TENM2: variants seen among roughly 807,000 people sequenced by gnomAD.
TENM2 encodes the protein teneurin-2.
Under a neutral mutation model 245.2 loss-of-function variants are expected in TENM2, and 52 were observed. The ratio of observed to expected loss-of-function variants is 0.21; its 90% confidence interval spans 0.17 to 0.27. TENM2 has a LOEUF of 0.27. Among genes scored for constraint, TENM2 ranks in the 10% least tolerant of loss-of-function variants. The pLI is 1.00. For missense variants in TENM2, 3,046 were observed against 3,666.8 expected (o/e 0.83, Z 4.37); for synonymous variants, 1,363 against 1,438.9 (o/e 0.95, Z 1.19).
At chr5:167,170,186 T>C in the TENM2 span, among the ~76,000 whole-genome samples, 1 of 152,238 alleles carries the variant, frequency 6.6e-6, no homozygotes, top group African/African-American at 2.4e-5. Context: ...GTAGAATTCC[T>C]TGTAGGAGGA....
At chr5:167,757,809 T>C (rs1374681822) in intron 2 of TENM2, among the ~76,000 whole-genome samples, 3 of 152,216 alleles carry the variant, frequency 2.0e-5, no homozygotes, top group East Asian at 1.9e-4. Context: ...TGGTATCTCA[T>C]TGTGGTTTTG....
upstream of TENM2, among the ~76,000 whole-genome samples, chr5:167,280,474 G>A (rs1311185518): frequency 6.6e-6 from 1 of 152,152 alleles, no homozygotes; most frequent in Non-Finnish European, 1.5e-5. Flanking sequence ...CTGTACTGTG[G>A]TTGAGGTTGG....
intron 2 of TENM2, among the ~76,000 whole-genome samples, chr5:167,438,635 G>A (rs1326098562): frequency 6.6e-6 from 1 of 152,150 alleles, no homozygotes; most frequent in Non-Finnish European, 1.5e-5. Context: ...CTGACCTCGT[G>A]ATTCGTCCGC....
chr5:167,700,346 C>G (rs1228201327), intron 2 of TENM2, among the ~76,000 whole-genome samples: 1 of 152,154 alleles, frequency 6.6e-6, no homozygotes, highest in Non-Finnish European at 1.5e-5. Flanking sequence ...GGGGTTGGGC[C>G]AAGTGTTTTA....
At chr5:167,067,960 C>G in the TENM2 span, among the ~76,000 whole-genome samples, 65,725 of 152,046 alleles carry the variant, frequency 0.43, 14,807 homozygotes, top group African/African-American at 0.51. Context: ...AATGTGACAT[C>G]TTCCTCCTTC....
intron 4 of TENM2, among the ~76,000 whole-genome samples, chr5:167,973,782 G>C (rs749643734): frequency 6.6e-6 from 1 of 152,090 alleles, no homozygotes; most frequent in Non-Finnish European, 1.5e-5. Context: ...AGGCAGGGTA[G>C]AGAGGTCTCA....
At chr5:167,049,206 C>A in the TENM2 span, among the ~76,000 whole-genome samples, 2 of 152,196 alleles carry the variant, frequency 1.3e-5, no homozygotes, top group Non-Finnish European at 2.9e-5. Context: ...GTTATACCTA[C>A]ACATGTGCTT....
At chr5:167,646,699 A>C (rs1034722124) in intron 2 of TENM2, among the ~76,000 whole-genome samples, 5 of 152,252 alleles carry the variant, frequency 3.3e-5, no homozygotes, top group Non-Finnish European at 5.9e-5. Context: ...GGAGAATTCC[A>C]TATGTCCCCC....
chr5:168,247,580 T>C lies in TENM2; in HGVS notation c.6641T>C (p.Val2214Ala). ...GATGGGGACGGGCAGCTCCAGAGCG[T>C]GGCCGTCAATGACCGCCCGACCTGG... Residue 2214 changes from valine (V) to alanine (A), a missense_variant, in exon 27 of 29, where the codon GTG (valine) becomes GCG (alanine). By Grantham distance (64) the Val-to-Ala change is moderately conservative. This residue lies in a region of TENM2 where 2,704 missense variants were observed against 3,331.9 expected (regional missense o/e 0.81). Coordinates refer to ENST00000518659, the Ensembl canonical transcript of TENM2. The surrounding 1 kb of genome is among the most constrained non-coding windows in gnomAD (Gnocchi z 7.8). 1 of 1,613,084 alleles carries C rather than the reference T, an allele frequency of 6.2e-7. No individual in the cohort carries two copies. Among genetic ancestry groups the C allele is most frequent in the Non-Finnish European group, 8.5e-7 (1 of 1,179,098 alleles).
intron 4 of TENM2, among the ~76,000 whole-genome samples, chr5:167,977,747 G>A (rs774597339): frequency 1.3e-5 from 2 of 152,210 alleles, no homozygotes; most frequent in Non-Finnish European, 2.9e-5. Context: ...TTCCTGAAGA[G>A]TTCAATGTTG....
the TENM2 span, among the ~76,000 whole-genome samples, chr5:167,038,727 C>A: frequency 9.9e-5 from 15 of 152,216 alleles, no homozygotes; most frequent in African/African-American, 3.6e-4. Context: ...TGTGTAATTC[C>A]GTTCTTTCAA....
At chr5:167,708,644 A>G (rs1032427584) in intron 2 of TENM2, among the ~76,000 whole-genome samples, 2 of 152,100 alleles carry the variant, frequency 1.3e-5, no homozygotes, top group African/African-American at 4.8e-5. Context: ...GGGCAGCCAC[A>G]AGGAGGAGCC....
chr5:167,983,676 A>G (rs1427921745), intron 4 of TENM2, among the ~76,000 whole-genome samples: 1 of 152,228 alleles, frequency 6.6e-6, no homozygotes, highest in Non-Finnish European at 1.5e-5. Context: ...TTGTTTTTCA[A>G]ACCTGAGAAG....
rs141791579 is a variant in TENM2 at position 168,121,695 on chromosome 5, A to G, written c.2009-3155A>G. 7.1e-4 allele frequency among the ~76,000 whole-genome samples: 108 copies of G among 151,298 alleles called. 2 individuals are homozygous for G. In the East Asian group the frequency reaches 0.02, roughly 28 times the overall value. ...TTAGTGTATTACTTTTTATTATTTC[A>G]TCCTTCTAAGAAAAAGATTGTGATT... is the stretch of plus-strand genomic sequence containing the variant. On this transcript the variant is annotated intron_variant, in intron 10 of 28. Transcript: ENST00000518659.
rs953086086 is a variant in TENM2 at position 168,217,905 on chromosome 5, G to A, written c.4234-220G>A. Among the ~76,000 whole-genome samples the A allele has an allele frequency of 5.9e-5, 9 of 152,108 alleles. No homozygotes were observed. In the East Asian group the frequency reaches 1.5e-3, roughly 26 times the overall value. ...CTGATGGCCTGTTCTGGTCATGGCAGGTGACACGGTAGAAAATATATATTA... is the reference window on the plus strand; with the variant it reads ...CTGATGGCCTGTTCTGGTCATGGCAAGTGACACGGTAGAAAATATATATTA... On this transcript the variant is annotated intron_variant, in intron 22 of 28. Transcript: ENST00000518659.
At chr5:167,610,597 C>T (rs1003774750) in intron 2 of TENM2, among the ~76,000 whole-genome samples, 22 of 152,146 alleles carry the variant, frequency 1.4e-4, no homozygotes, top group Non-Finnish European at 3.1e-4. Flanking sequence ...CTTCTTATAT[C>T]ATATCACAGG....
chr5:166,996,171 G>A, the TENM2 span, among the ~76,000 whole-genome samples: 2 of 151,876 alleles, frequency 1.3e-5, no homozygotes, highest in African/African-American at 2.4e-5. Context: ...GTGAAACCCC[G>A]TCTCTACTAA....
At chr5:167,132,850 G>A in the TENM2 span, among the ~76,000 whole-genome samples, 1 of 152,236 alleles carries the variant, frequency 6.6e-6, no homozygotes, top group African/African-American at 2.4e-5. Flanking sequence ...GCTCTGGGCT[G>A]CTTTGGGCTA....
intron 13 of TENM2, among the ~76,000 whole-genome samples, chr5:168,176,824 T>A (rs1260305901): frequency 6.6e-6 from 1 of 152,240 alleles, no homozygotes; most frequent in Non-Finnish European, 1.5e-5. Flanking sequence ...ACATTTCATT[T>A]TAGGATTTCA....
Sources: allele counts gnomAD v4.1 joint callset (sites outside exome capture counted in the v4.1 genomes callset), GRCh38; gene constraint gnomAD v4.1.1; regional missense constraint gnomAD v4.1.1; non-coding constraint Gnocchi (gnomAD v3.1); transcripts MANE v1.5; gene names NCBI Gene and HGNC (gene_info 2026-07-23, HGNC 2026-07-21).